Variants in KIF6 observed in about 807,000 individuals in gnomAD.
KIF6 encodes the protein kinesin-like protein KIF6.
KIF6 carries 106 observed loss-of-function variants against 112.7 expected under a neutral mutation model. The ratio of observed to expected loss-of-function variants is 0.94; its 90% CI spans 0.80 to 1.11. The LOEUF is 1.11. KIF6 is among the 50% of genes least tolerant of loss of function. The pLI, the probability that KIF6 is intolerant of heterozygous loss-of-function variation, is 0.00. For synonymous variants in KIF6, 339 were observed against 339.9 expected (o/e 1.00, Z 0.03); for missense variants, 929 against 964.0 (o/e 0.96, Z 0.48).
intron 3 of KIF6, among the ~76,000 whole-genome samples, chr6:39,666,829 G>A (rs1025746137): frequency 6.6e-6 from 1 of 152,148 alleles, no homozygotes; most frequent in African/African-American, 2.4e-5. Flanking sequence ...TGCAGCACTC[G>A]TATTTGAAGG....
At chr6:39,553,430 C>T (rs1053432311) in intron 10 of KIF6, among the ~76,000 whole-genome samples, 46 of 152,164 alleles carry the variant, frequency 3.0e-4, no homozygotes, top group African/African-American at 9.9e-4. Context: ...ATAGCAAATG[C>T]GAAAAATCAA....
In KIF6 at chr6:39,548,741, C is replaced by T. The variant is rs35495082; in HGVS notation, c.1182-3053G>A. On this transcript the variant is annotated intron_variant, in intron 10 of 22. Transcript: ENST00000287152. ...CCAAGTTTATACCTAGTCCCTGCTC[C>T]CTCTAAGGGGTCTCCCAGCTGCCAG... Among the ~76,000 whole-genome samples the T allele has an allele frequency of 6.9e-3, 1,053 of 152,284 alleles. 10 individuals carry two copies. The highest frequency in any genetic ancestry group is 0.015 in the South Asian group (72 of 4,828).
At chr6:39,534,406 A>T (rs1284815798) in intron 13 of KIF6, among the ~76,000 whole-genome samples, 1 of 152,126 alleles carries the variant, frequency 6.6e-6, no homozygotes, top group Non-Finnish European at 1.5e-5. Flanking sequence ...CCAGAACTAC[A>T]TGAAGAATGC....
intron 15 of KIF6, among the ~76,000 whole-genome samples, chr6:39,399,655 T>C (rs1768539982): frequency 6.6e-6 from 1 of 152,192 alleles, no homozygotes; most frequent in Non-Finnish European, 1.5e-5. Context: ...AACATACAAA[T>C]AGGCTGTTGG....
At chr6:39,504,455 C>T (rs1776324514) in intron 13 of KIF6, among the ~76,000 whole-genome samples, 2 of 152,190 alleles carry the variant, frequency 1.3e-5, no homozygotes, top group African/African-American at 4.8e-5. Context: ...AGGATGTCCT[C>T]TGTCACCACT....
chr6:39,541,328 C>T (rs187173935), intron 12 of KIF6, among the ~76,000 whole-genome samples: 1 of 152,328 alleles, frequency 6.6e-6, no homozygotes, highest in East Asian at 1.9e-4. Flanking sequence ...CCATTCCTTG[C>T]CCCAAAACAA....
At chr6:39,585,595 T>A (rs983922587) in intron 8 of KIF6, among the ~76,000 whole-genome samples, 1 of 152,236 alleles carries the variant, frequency 6.6e-6, no homozygotes, top group Non-Finnish European at 1.5e-5. Flanking sequence ...GTGTTTTCAG[T>A]TGTTGATCAC....
intron 5 of KIF6, among the ~76,000 whole-genome samples, chr6:39,623,679 G>A (rs749076988): frequency 6.6e-6 from 1 of 152,052 alleles, no homozygotes; most frequent in Admixed American, 6.6e-5. Flanking sequence ...ACTAACTTTC[G>A]TTTTGTAGAA....
At chr6:39,702,865 G>A (rs1788947330) in intron 3 of KIF6, among the ~76,000 whole-genome samples, 1 of 144,068 alleles carries the variant, frequency 6.9e-6, no homozygotes. Flanking sequence ...ACTGAATGAA[G>A]AAATTTTATA....
chr6:39,446,154 C>T (rs1353589134), intron 13 of KIF6, among the ~76,000 whole-genome samples: 1 of 152,286 alleles, frequency 6.6e-6, no homozygotes, highest in Non-Finnish European at 1.5e-5. Context: ...CTGTGTGCCC[C>T]GGATCTGCCA....
At chr6:39,358,863 T>C (rs1764914229) in intron 18 of KIF6, among the ~76,000 whole-genome samples, 1 of 152,174 alleles carries the variant, frequency 6.6e-6, no homozygotes, top group African/African-American at 2.4e-5. Flanking sequence ...ACAGTTGGTG[T>C]AGAGATCTTG....
At chr6:39,608,388 A>T (rs918794012) in intron 6 of KIF6, among the ~76,000 whole-genome samples, 2 of 152,206 alleles carry the variant, frequency 1.3e-5, no homozygotes, top group Non-Finnish European at 2.9e-5. Context: ...GTTGGGCAAA[A>T]TCATCTTGCA....
chr6:39,535,559 A>T (rs919442971), intron 13 of KIF6, among the ~76,000 whole-genome samples: 1 of 152,248 alleles, frequency 6.6e-6, no homozygotes, highest in Non-Finnish European at 1.5e-5. Flanking sequence ...CCAGATGCAT[A>T]AAGCAAGTCC....
intron 13 of KIF6, among the ~76,000 whole-genome samples, chr6:39,521,640 C>T (rs1239149573): frequency 6.6e-6 from 1 of 152,114 alleles, no homozygotes; most frequent in Non-Finnish European, 1.5e-5. Flanking sequence ...TCTTCCCAAG[C>T]CTTTCTGGGC....
chr6:39,469,359 C>T (rs1223779878), intron 13 of KIF6, among the ~76,000 whole-genome samples: 1 of 151,790 alleles, frequency 6.6e-6, no homozygotes, highest in Admixed American at 6.6e-5. Context: ...AAAATCCAAT[C>T]AAAAGTCAGA....
At chr6:39,428,348 G>A (rs1207102847) in intron 14 of KIF6, among the ~76,000 whole-genome samples, 4 of 152,186 alleles carry the variant, frequency 2.6e-5, no homozygotes, top group African/African-American at 9.6e-5. Context: ...AGCTTAACAT[G>A]CTTATCTTCA....
chr6:39,551,351 G>A (rs1779368246), intron 10 of KIF6, among the ~76,000 whole-genome samples: 1 of 152,152 alleles, frequency 6.6e-6, no homozygotes, highest in Admixed American at 6.5e-5. Context: ...AAGAGTAGTG[G>A]GGAGAGAGAG....
Position 39,639,716 on chromosome 6 carries a change from T to G in KIF6, c.293A>C (p.Gln98Pro), listed in dbSNP as rs1235181475. Residue 98 changes from glutamine (Q) to proline (P), a missense_variant, in exon 4 of 23, where the codon CAA becomes CCA. By Grantham distance (76) the Gln-to-Pro change is moderately conservative (BLOSUM62 -1). This residue lies in a region of KIF6 where 688 missense variants were observed against 662.7 expected (regional missense o/e 1.04). Coordinates refer to ENST00000287152, the MANE Select transcript of KIF6 (RefSeq NM_145027.6). ...GYNGTIFAYGQTGSGKTFTIT... is the reference protein window; with the variant it reads ...GYNGTIFAYGPTGSGKTFTIT... ...AGTGAATGTCTTCCCGCTGCCTGTT[T>G]GCCCATATGCAAAGATGGTACCATT... The G allele has an allele frequency of 8.1e-6, 13 of 1,612,406 alleles. No individual in the cohort carries two copies. Among genetic ancestry groups the G allele is most frequent in the Non-Finnish European group, 1.1e-5 (13 of 1,179,120 alleles).
intron 15 of KIF6, among the ~76,000 whole-genome samples, chr6:39,419,339 G>C (rs1770171888): frequency 1.5e-5 from 2 of 129,318 alleles, no homozygotes; most frequent in South Asian, 6.0e-4. Flanking sequence ...GGGCAACAGA[G>C]TGAGACTCTG....
Sources: gnomAD v4.1 joint callset for allele counts (sites outside exome capture counted in the v4.1 genomes callset) on GRCh38, gnomAD v4.1.1 for gene constraint, gnomAD v4.1.1 regional missense constraint, MANE v1.5 for transcripts, NCBI Gene and HGNC (gene_info 2026-07-23, HGNC 2026-07-21) for gene names.